The following KAZN variants were observed in gnomAD, a reference collection of about 807,000 sequenced individuals.
The protein encoded by KAZN is kazrin.
Under a neutral mutation model 87.4 loss-of-function variants are expected in KAZN, and 40 were observed. The ratio of observed to expected loss-of-function variants is 0.46; its 90% CI spans 0.36 to 0.60. KAZN has a LOEUF of 0.60. KAZN is among the 20% of genes least tolerant of loss of function. KAZN has a pLI of 0.00. For missense variants in KAZN, 898 were observed against 1,073.9 expected, an observed-to-expected ratio of 0.84 and a Z score of 2.29; for synonymous variants, 466 against 458.3, an observed-to-expected ratio of 1.02 and a Z score of -0.22.
intron 1 of KAZN, among the ~76,000 whole-genome samples, chr1:14,819,706 C>CTTTTT (rs775752838): frequency 7.7e-5 from 9 of 117,530 alleles, no homozygotes; most frequent in African/African-American, 1.0e-4. Context: ...GAAAAAAAAT[C>CTTTTT]TTTTTTTTTT....
chr1:14,085,651 G>A (rs1451043428), intron 1 of KAZN, among the ~76,000 whole-genome samples: 3 of 152,060 alleles, frequency 2.0e-5, no homozygotes, highest in East Asian at 3.8e-4. Context: ...GGTATGCCAC[G>A]ATTCACAGGT....
intron 13 of KAZN, among the ~76,000 whole-genome samples, chr1:15,104,392 G>A (rs1324571600): frequency 2.6e-5 from 4 of 152,222 alleles, no homozygotes; most frequent in African/African-American, 9.6e-5. Flanking sequence ...TCATAGACTA[G>A]AAAGACGTAG....
intron 2 of KAZN, among the ~76,000 whole-genome samples, chr1:14,246,347 A>G (rs1649513740): frequency 1.3e-5 from 2 of 152,112 alleles, no homozygotes; most frequent in African/African-American, 2.4e-5. Context: ...AATATATAGT[A>G]TTTTTTGTTG....
intron 2 of KAZN, among the ~76,000 whole-genome samples, chr1:14,426,392 A>T (rs904631048): frequency 6.6e-6 from 1 of 152,108 alleles, no homozygotes; most frequent in African/African-American, 2.4e-5. Context: ...TTCTCCCCTC[A>T]GCCCCGTTAG....
intron 2 of KAZN, among the ~76,000 whole-genome samples, chr1:14,567,856 C>T (rs142509887): frequency 6.6e-6 from 1 of 152,154 alleles, no homozygotes; most frequent in Non-Finnish European, 1.5e-5. Flanking sequence ...TTTTACTCCC[C>T]CATTTTACTT....
chr1:15,043,589 C>G (rs1055715901), intron 3 of KAZN, among the ~76,000 whole-genome samples: 1 of 151,202 alleles, frequency 6.6e-6, no homozygotes, highest in Non-Finnish European at 1.5e-5. Context: ...TTTCCCACCA[C>G]AGAGCCAGAG....
chr1:14,120,696 G>A (rs1454211405), intron 1 of KAZN, among the ~76,000 whole-genome samples: 4 of 152,180 alleles, frequency 2.6e-5, no homozygotes, highest in Non-Finnish European at 5.9e-5. Context: ...GGGATTGGCA[G>A]TGTTCTCAGG....
intron 2 of KAZN, among the ~76,000 whole-genome samples, chr1:14,249,445 C>A (rs555933931): frequency 4.6e-5 from 7 of 152,268 alleles, no homozygotes; most frequent in African/African-American, 1.4e-4. Flanking sequence ...AATTTATCGA[C>A]CCACAAAATC....
intron 2 of KAZN, among the ~76,000 whole-genome samples, chr1:14,577,564 G>A (rs1461833573): frequency 2.0e-5 from 3 of 152,166 alleles, no homozygotes; most frequent in Admixed American, 6.5e-5. Flanking sequence ...CAGGCTGCTG[G>A]GGAGATGGGA....
At chr1:14,104,930 T>G (rs1045844098) in intron 1 of KAZN, among the ~76,000 whole-genome samples, 4 of 152,354 alleles carry the variant, frequency 2.6e-5, no homozygotes, top group African/African-American at 4.8e-5. Context: ...GCAATTTTTT[T>G]GGTCAAATCC....
At chr1:14,694,940 C>T (rs140097625) in intron 1 of KAZN, among the ~76,000 whole-genome samples, 147 of 152,222 alleles carry the variant, frequency 9.7e-4, no homozygotes, top group Non-Finnish European at 1.6e-3. Flanking sequence ...TGCCTTATAT[C>T]GGAGGTCATG....
chr1:13,975,909 C>T (rs961539417), intron 1 of KAZN, among the ~76,000 whole-genome samples: 2 of 152,238 alleles, frequency 1.3e-5, no homozygotes, highest in African/African-American at 4.8e-5. Flanking sequence ...AGCAACATTT[C>T]TCAGAGTGCT....
chr1:14,971,346 T>C (rs964325827), intron 2 of KAZN, among the ~76,000 whole-genome samples: 38 of 152,098 alleles, frequency 2.5e-4, no homozygotes, highest in Admixed American at 6.6e-4. Context: ...TGCGGTGGGC[T>C]GAGATTGCGC....
At chr1:14,954,044 A>G (rs757814596) in intron 1 of KAZN, among the ~76,000 whole-genome samples, 2 of 152,174 alleles carry the variant, frequency 1.3e-5, no homozygotes, top group Non-Finnish European at 1.5e-5. Context: ...GCCACCTGGT[A>G]TGGACCTTTC....
chr1:14,976,031 C>CAAAAAAAAA (rs1162988294), intron 2 of KAZN, among the ~76,000 whole-genome samples: 1 of 85,554 alleles, frequency 1.2e-5, no homozygotes. Context: ...GACTCCGTCT[C>CAAAAAAAAA]AAAAAAAAAA....
At chr1:13,987,223 T>C (rs186107293) in intron 1 of KAZN, among the ~76,000 whole-genome samples, 23 of 152,268 alleles carry the variant, frequency 1.5e-4, no homozygotes, top group African/African-American at 5.3e-4. Flanking sequence ...TACATAGGTA[T>C]ACATGTGCCA....
rs1443603917 is a variant in KAZN, at chr1:15,092,057, T to TTG, written c.1223-2122_1223-2121insGT. Among the ~76,000 whole-genome samples, 396 of 133,184 alleles carry TTG rather than the reference T, an allele frequency of 3.0e-3. 2 individuals are homozygous for TTG. The highest frequency in any genetic ancestry group is 0.011 in the African/African-American group (361 of 32,120). 87.4% of individuals were successfully genotyped at this position (133,184 alleles called of 152,430 possible). On this transcript the variant is annotated intron_variant, in intron 8 of 14. Transcript: ENST00000376030. ...CATTTCTAATCAGAGGTTTTGTTTT[T>TTG]TTGTTTTTTTTTTTGATTTTTTTTT...
At chr1:14,367,669 C>G in intron 2 of KAZN, among the ~76,000 whole-genome samples, 1 of 152,162 alleles carries the variant, frequency 6.6e-6, no homozygotes, top group Non-Finnish European at 1.5e-5. Flanking sequence ...CACCCCACCC[C>G]TTCTCTTCTT....
At chr1:14,409,052 G>A (rs1664093009) in intron 2 of KAZN, among the ~76,000 whole-genome samples, 1 of 152,188 alleles carries the variant, frequency 6.6e-6, no homozygotes, top group South Asian at 2.1e-4. Context: ...CTTTATTCAA[G>A]AAAGATAATG....
Sources: allele counts gnomAD v4.1 joint callset (sites outside exome capture counted in the v4.1 genomes callset), GRCh38; gene constraint gnomAD v4.1.1; transcripts MANE v1.5; gene names NCBI Gene and HGNC (gene_info 2026-07-23, HGNC 2026-07-21).